Variants in UACA observed in about 807,000 individuals in gnomAD.
UACA encodes nuclear membrane binding protein.
UACA carries 112 observed loss-of-function variants against 160.5 expected under a neutral mutation model. The ratio of observed to expected loss-of-function variants is 0.70; its 90% CI spans 0.60 to 0.82. The LOEUF is 0.82. Among genes scored for constraint, UACA ranks in the 40% least tolerant of loss-of-function variants. The pLI, the probability that UACA is intolerant of heterozygous loss-of-function variation, is 0.00. For missense variants in UACA, 1,574 were observed against 1,614.6 expected (o/e 0.97, Z 0.43); for synonymous variants, 557 against 568.4 (o/e 0.98, Z 0.29).
At chr15:70,703,245 T>C (rs1326602071) in intron 1 of UACA, 1 of 1,287,934 alleles carries the variant, frequency 7.8e-7, no homozygotes, top group African/African-American at 1.5e-5. Flanking sequence ...TTACACTTCC[T>C]CTAAAAAGAC....
At chr15:70,777,777 T>A in the UACA span, among the ~76,000 whole-genome samples, 1 of 152,140 alleles carries the variant, frequency 6.6e-6, no homozygotes, top group East Asian at 1.9e-4. Context: ...GGAAAAGAAC[T>A]GGAGACTACA....
intron 14 of UACA, chr15:70,671,359 C>T (rs1187612773): frequency 3.9e-6 from 1 of 254,644 alleles, no homozygotes; most frequent in South Asian, 1.1e-4. Context: ...ACTAAAACTT[C>T]AGAAATATTG....
At position 70,692,445 on chromosome 15, in the gene UACA, GA is replaced by G. The variant is rs1223570757; in HGVS notation, c.302-1083del. The stretch of plus-strand genomic sequence containing the variant: ...CCCAAAGTAATAGGATTACAAGCAT[GA>G]GACATCACACCTGGCCACAAACTTC... On this transcript the variant is annotated intron_variant, in intron 3 of 18. Transcript: ENST00000322954. 2.0e-5 allele frequency among the ~76,000 whole-genome samples: 3 copies of G among 152,158 alleles called. No homozygotes were observed. The East Asian group carries it at 5.8e-4, about 29-fold the overall frequency.
intron 2 of UACA, among the ~76,000 whole-genome samples, chr15:70,696,070 G>C (rs998895920): frequency 3.9e-5 from 6 of 152,080 alleles, no homozygotes; most frequent in Non-Finnish European, 7.4e-5. Context: ...AACCATTCTA[G>C]AGATGCCAGG....
chr15:70,747,920 A>G (rs1899760783), intron 1 of UACA, among the ~76,000 whole-genome samples: 2 of 152,234 alleles, frequency 1.3e-5, no homozygotes, highest in Non-Finnish European at 2.9e-5. Context: ...TCTGAATGAA[A>G]TAATATATTC....
rs113551614 is a variant in UACA, at chr15:70,703,180, CTGT to C, written c.79-3523_79-3521del. 3,256 of 1,289,010 alleles carry C rather than the reference CTGT, an allele frequency of 2.5e-3. 69 individuals carry two copies. The African/African-American group carries it at 0.042, about 17-fold the overall frequency. The allele number at this position is 1,289,010 out of a possible 1,614,324, so 79.8% of individuals were successfully genotyped here. A position where few individuals can be genotyped will look rare whatever the true frequency, so the allele number is the denominator to read the frequency against. ...ATTCAGGGTGGTTTTTTTGTGGTGG[CTGT>C]TGTTGTTGTTTTTTAACCATGTTCT... On this transcript the variant is annotated intron_variant, in intron 1 of 18. Transcript: ENST00000322954.
At chr15:70,666,127 C>T (rs1896895558) in intron 16 of UACA, among the ~76,000 whole-genome samples, 1 of 152,220 alleles carries the variant, frequency 6.6e-6, no homozygotes, top group East Asian at 1.9e-4. Flanking sequence ...AAAACATCCA[C>T]CTTAGAGGAG....
At chr15:70,687,952 T>G in intron 5 of UACA, 132 bp from the exon 6 acceptor site, 1 of 786,864 alleles carries the variant, frequency 1.3e-6, no homozygotes, top group Non-Finnish European at 2.0e-6. Context: ...CACTCTTAGT[T>G]TAGCATTATA....
intron 1 of UACA, among the ~76,000 whole-genome samples, chr15:70,749,962 A>G (rs751826955): frequency 6.6e-6 from 1 of 152,178 alleles, no homozygotes; most frequent in Non-Finnish European, 1.5e-5. Context: ...TTACCATTCA[A>G]TCAGGGACTG....
At chr15:70,718,161 A>G (rs1898876278) in intron 1 of UACA, among the ~76,000 whole-genome samples, 1 of 151,136 alleles carries the variant, frequency 6.6e-6, no homozygotes, top group Admixed American at 6.6e-5. Context: ...TTTTTGGTAC[A>G]TCAACAGAAA....
chr15:70,667,705 C>T lies in UACA; in HGVS notation c.2979G>A (p.Glu993=), dbSNP rs1295852845. ...VKYAPIVSFE[E]CERKFKATEK... is the part of the protein sequence containing the mutation. ...CTGTTGCTTTAAATTTTCTCTCGCA[C>T]TCCTCAAAGCTGACAATTGGGGCGT... is the stretch of plus-strand genomic sequence containing the variant. The change falls in exon 16 of 19, where the codon GAG becomes GAA. Residue 993 remains glutamate, a synonymous_variant. Coordinates refer to ENST00000322954, the MANE Select transcript of UACA (RefSeq NM_018003.4). 6.2e-7 allele frequency: 1 copy of T among 1,613,920 alleles called. No individual in the cohort carries two copies. The highest frequency in any genetic ancestry group is 1.7e-5 in the Admixed American group (1 of 59,992).
At chr15:70,702,590 TA>T (rs1316024351) in intron 1 of UACA, among the ~76,000 whole-genome samples, 1 of 152,250 alleles carries the variant, frequency 6.6e-6, no homozygotes, top group Non-Finnish European at 1.5e-5. Context: ...GAACAATATT[TA>T]AAACCAGTTT....
intron 1 of UACA, among the ~76,000 whole-genome samples, chr15:70,745,683 C>T (rs1317954601): frequency 6.6e-6 from 1 of 152,106 alleles, no homozygotes; most frequent in Non-Finnish European, 1.5e-5. Flanking sequence ...AACAAAGCTG[C>T]AGCCATCATG....
chr15:70,675,278 C>A (rs1011531612), intron 13 of UACA, among the ~76,000 whole-genome samples: 2 of 152,040 alleles, frequency 1.3e-5, no homozygotes, highest in African/African-American at 4.8e-5. Flanking sequence ...ACCAGTTTCA[C>A]AATTAGCCTA....
chr15:70,664,622 G>A, intron 17 of UACA, 40 bp downstream of exon 17: 1 of 1,583,440 alleles, frequency 6.3e-7, no homozygotes, highest in Non-Finnish European at 8.6e-7. Context: ...CAGGGAGCCA[G>A]CACATATTCC....
At chr15:70,702,271 T>G in intron 1 of UACA, 1 of 1,045,876 alleles carries the variant, frequency 9.6e-7, no homozygotes, top group Non-Finnish European at 1.1e-6. Flanking sequence ...TGCATCCTGC[T>G]GCCTCAACAC....
intron 12 of UACA, among the ~76,000 whole-genome samples, chr15:70,676,807 C>A (rs1897316302): frequency 6.6e-6 from 1 of 152,126 alleles, no homozygotes; most frequent in African/African-American, 2.4e-5. Flanking sequence ...AAATTCAAAT[C>A]TCTGTTTTCA....
At chr15:70,666,512 G>A (rs893538256) in intron 16 of UACA, among the ~76,000 whole-genome samples, 1 of 152,116 alleles carries the variant, frequency 6.6e-6, no homozygotes, top group Non-Finnish European at 1.5e-5. Context: ...CTGAATTCTT[G>A]GCTAGAACAG....
upstream of UACA, among the ~76,000 whole-genome samples, chr15:70,764,142 A>G (rs2030942208): frequency 6.6e-6 from 1 of 152,192 alleles, no homozygotes; most frequent in African/African-American, 2.4e-5. Context: ...AAGTTACAGT[A>G]CAAGTTACGT....
Sources: allele counts gnomAD v4.1 joint callset (sites outside exome capture counted in the v4.1 genomes callset), GRCh38; gene constraint gnomAD v4.1.1; transcripts MANE v1.5; gene names NCBI Gene and HGNC (gene_info 2026-07-23, HGNC 2026-07-21).